The following TSPAN15 variants were observed in gnomAD, a reference collection of about 807,000 sequenced individuals.
TSPAN15 encodes tetraspanin-15.
Under a neutral mutation model 34.5 loss-of-function variants are expected in TSPAN15, and 20 were observed. The observed-to-expected ratio is 0.58, with a 90% CI of 0.41 to 0.84. The LOEUF (loss-of-function observed/expected upper bound fraction) is 0.84. Among genes scored for constraint, TSPAN15 ranks in the 40% least tolerant of loss-of-function variants. The pLI is 0.00. For synonymous variants in TSPAN15, 155 were observed against 153.9 expected (o/e 1.01, Z -0.05); for missense variants, 313 against 386.1 (o/e 0.81, Z 1.59).
At chr10:69,469,347 C>T (rs564055064) in intron 1 of TSPAN15, among the ~76,000 whole-genome samples, 8 of 152,320 alleles carry the variant, frequency 5.3e-5, no homozygotes, top group Non-Finnish European at 1.2e-4. Flanking sequence ...TTCTGTGAGC[C>T]ATTCGCGCAA....
intron 1 of TSPAN15, among the ~76,000 whole-genome samples, chr10:69,467,980 T>C (rs1474261488): frequency 6.6e-6 from 1 of 152,150 alleles, no homozygotes; most frequent in Non-Finnish European, 1.5e-5. Flanking sequence ...CTGTCGTGTG[T>C]TACTTGCCTA....
At chr10:69,534,020 T>C in the TSPAN15 span, among the ~76,000 whole-genome samples, 4 of 152,216 alleles carry the variant, frequency 2.6e-5, no homozygotes, top group African/African-American at 7.2e-5. Flanking sequence ...CACAATACTC[T>C]AGGAAAATTA....
intron 1 of TSPAN15, among the ~76,000 whole-genome samples, chr10:69,462,024 T>C (rs1329491024): frequency 6.6e-6 from 1 of 151,162 alleles, no homozygotes; most frequent in Non-Finnish European, 1.5e-5. Context: ...TCTTGCTCTG[T>C]CACCCAGAGC....
chr10:69,523,332 C>T, the TSPAN15 span: 1 of 519,370 alleles, frequency 1.9e-6, no homozygotes, highest in Non-Finnish European at 3.5e-6. Context: ...AAAGCCAGCC[C>T]AAGAGTAGCA....
At chr10:69,468,769 A>T (rs960281923) in intron 1 of TSPAN15, among the ~76,000 whole-genome samples, 3 of 108,640 alleles carry the variant, frequency 2.8e-5, no homozygotes, top group African/African-American at 2.7e-5. Context: ...CCATCTGATT[A>T]AAAAAAAAAA....
chr10:69,545,774 G>A, the TSPAN15 span, among the ~76,000 whole-genome samples: 1 of 152,024 alleles, frequency 6.6e-6, no homozygotes, highest in Non-Finnish European at 1.5e-5. Context: ...GGCCAACATG[G>A]TGAAACCTCG....
At chr10:69,531,781 G>GA in the TSPAN15 span, among the ~76,000 whole-genome samples, 5 of 152,072 alleles carry the variant, frequency 3.3e-5, no homozygotes, top group African/African-American at 1.2e-4. Flanking sequence ...AATAGATGCA[G>GA]AAAAAACATT....
At chr10:69,511,726 CT>C (rs1842416599), downstream of TSPAN15, among the ~76,000 whole-genome samples, 1 of 152,148 alleles carries the variant, frequency 6.6e-6, no homozygotes, top group Non-Finnish European at 1.5e-5. Flanking sequence ...ATAAATTTCC[CT>C]CTAAACACTG....
At chr10:69,539,548 AAGG>A in the TSPAN15 span, among the ~76,000 whole-genome samples, 2,302 of 106,458 alleles carry the variant, frequency 0.022, 102 homozygotes, top group Admixed American at 0.024. Flanking sequence ...GGAGAAGGAG[AAGG>A]AGAAGGAGAA....
chr10:69,508,692 A>T (rs903271646), downstream of TSPAN15, among the ~76,000 whole-genome samples: 5 of 152,180 alleles, frequency 3.3e-5, no homozygotes, highest in African/African-American at 1.2e-4. Flanking sequence ...AACTCCTTTA[A>T]TCCTCACGAC....
At chr10:69,481,895 C>T (rs1227449826) in intron 1 of TSPAN15, among the ~76,000 whole-genome samples, 1 of 152,222 alleles carries the variant, frequency 6.6e-6, no homozygotes, top group Non-Finnish European at 1.5e-5. Context: ...GTAGACAGTG[C>T]CTGACTTGAA....
At chr10:69,493,576 G>A (rs1247232470) in intron 3 of TSPAN15, among the ~76,000 whole-genome samples, 2 of 150,100 alleles carry the variant, frequency 1.3e-5, no homozygotes, top group Non-Finnish European at 3.0e-5. Flanking sequence ...AGGTTCAAGC[G>A]ATTCTCCTGC....
At chr10:69,463,580 C>A (rs1841316932) in intron 1 of TSPAN15, among the ~76,000 whole-genome samples, 1 of 152,118 alleles carries the variant, frequency 6.6e-6, no homozygotes, top group Admixed American at 6.5e-5. Context: ...GAGGCTGAGG[C>A]AGGTGGATCA....
At chr10:69,483,347 G>A (rs1052907058) in intron 1 of TSPAN15, among the ~76,000 whole-genome samples, 2 of 151,812 alleles carry the variant, frequency 1.3e-5, no homozygotes, top group Admixed American at 6.6e-5. Context: ...TTCTCCCTGC[G>A]TGTTCACACA....
chr10:69,483,376 T>C (rs1177235222), intron 1 of TSPAN15, among the ~76,000 whole-genome samples: 1 of 152,092 alleles, frequency 6.6e-6, no homozygotes, highest in Non-Finnish European at 1.5e-5. Flanking sequence ...TCTGTGAGTG[T>C]CTGTGTCATA....
At chr10:69,499,804 G>C (rs1044843576) in intron 5 of TSPAN15, among the ~76,000 whole-genome samples, 2 of 152,180 alleles carry the variant, frequency 1.3e-5, no homozygotes, top group Admixed American at 6.5e-5. Context: ...GAAGGTGTCT[G>C]GGGGAGGGGC....
At chr10:69,470,310 C>G (rs1401587868) in intron 1 of TSPAN15, among the ~76,000 whole-genome samples, 4 of 152,184 alleles carry the variant, frequency 2.6e-5, no homozygotes, top group Non-Finnish European at 5.9e-5. Flanking sequence ...TGAACTTGAC[C>G]AGTCCTCTCC....
chr10:69,461,201 A>G (rs920015588), intron 1 of TSPAN15, among the ~76,000 whole-genome samples: 4 of 152,146 alleles, frequency 2.6e-5, no homozygotes, highest in African/African-American at 9.7e-5. Context: ...AGAGGAGGAG[A>G]CTAAGGCCCT....
chr10:69,506,087 G>T lies in TSPAN15; in HGVS notation c.619-37G>T. The T allele has an allele frequency of 6.3e-7, 1 of 1,588,126 alleles. No homozygotes were observed. The highest frequency in any genetic ancestry group is 1.1e-5 in the South Asian group (1 of 90,040). On this transcript the variant is annotated intron_variant, in intron 6 of 7. Coordinates refer to ENST00000373290, the MANE Select transcript of TSPAN15 (RefSeq NM_012339.5). This position sits in a 1 kb window ranked among gnomAD's most constrained non-coding sequence, Gnocchi z 4.7. ...GGGGCTGTGGCTCCTGCCAGCCGAG[G>T]TCCTCTGCTGGGCTGACCCAGCTCC... is the stretch of plus-strand genomic sequence containing the variant.
Sources: gnomAD v4.1 joint callset for allele counts (sites outside exome capture counted in the v4.1 genomes callset) on GRCh38, gnomAD v4.1.1 for gene constraint, Gnocchi (gnomAD v3.1) non-coding constraint, MANE v1.5 for transcripts, NCBI Gene and HGNC (gene_info 2026-07-23, HGNC 2026-07-21) for gene names.